PHLDB2: variants seen among roughly 807,000 people sequenced by gnomAD.
The protein encoded by PHLDB2 is pleckstrin homology like domain family B member 2, also known as pleckstrin homology-like domain family B member 2.
PHLDB2 carries 71 observed loss-of-function variants against 123.6 expected under a neutral mutation model. The observed-to-expected ratio is 0.57, with a 90% CI of 0.47 to 0.70. PHLDB2 has a LOEUF of 0.70. Among genes scored for constraint, PHLDB2 ranks in the 30% least tolerant of loss-of-function variants. The pLI, the probability that PHLDB2 is intolerant of heterozygous loss-of-function variation, is 0.00. For synonymous variants in PHLDB2, 547 were observed against 541.6 expected, an observed-to-expected ratio of 1.01 and a Z score of -0.14; for missense variants, 1,446 against 1,519.5, an observed-to-expected ratio of 0.95 and a Z score of 0.80.
chr3:111,771,239 C>T (rs1242068331), intron 1 of PHLDB2, among the ~76,000 whole-genome samples: 4 of 152,196 alleles, frequency 2.6e-5, no homozygotes, highest in African/African-American at 9.6e-5. Context: ...TTGGCTCCTT[C>T]TGAGGGCTGT....
At chr3:111,874,016 C>G (rs560340056) in intron 1 of PHLDB2, among the ~76,000 whole-genome samples, 76 of 152,246 alleles carry the variant, frequency 5.0e-4, no homozygotes, top group Non-Finnish European at 9.7e-4. Flanking sequence ...AATGATTTTT[C>G]CTATATGGAT....
chr3:111,832,682 CATAT>C (rs2063114671), intron 1 of PHLDB2, among the ~76,000 whole-genome samples: 1 of 91,638 alleles, frequency 1.1e-5, no homozygotes, highest in African/African-American at 6.5e-5. Context: ...TAGAATTATA[CATAT>C]AATATATATA....
chr3:111,888,093 G>T (rs1394003947), intron 2 of PHLDB2, among the ~76,000 whole-genome samples: 2 of 151,856 alleles, frequency 1.3e-5, no homozygotes, highest in South Asian at 2.1e-4. Flanking sequence ...AGAGAGTGAG[G>T]GCACTGACAT....
At position 111,953,984 on chromosome 3, in the gene PHLDB2, C is replaced by G. The variant is rs771899573; in HGVS notation, c.2827C>G (p.Leu943Val). 6.2e-7 allele frequency: 1 copy of G among 1,613,760 alleles called. No individual in the cohort carries two copies. The highest frequency in any genetic ancestry group is 1.1e-5 in the South Asian group (1 of 91,066). The change falls in exon 12 of 18, where the codon CTG (leucine) becomes GTG (valine). Residue 943 changes from leucine to valine, a missense_variant. Around this residue, in one of 3 missense-constraint regions of PHLDB2, gnomAD observed 594 missense variants for 646.0 expected, o/e 0.92. Coordinates refer to ENST00000431670, the MANE Select transcript of PHLDB2 (RefSeq NM_001134438.2). ...NSCGSVLPPS[L>V]AAMAKDSESR... The stretch of plus-strand genomic sequence containing the variant: ...CTGTGGAAGTGTGCTCCCTCCCTCA[C>G]TGGCAGCCATGGCCAAAGACTCAGA...
intron 2 of PHLDB2, among the ~76,000 whole-genome samples, chr3:111,889,531 G>A (rs1039496910): frequency 6.6e-6 from 1 of 151,932 alleles, no homozygotes; most frequent in Non-Finnish European, 1.5e-5. Context: ...GCAAAACCCT[G>A]TCTCTACAAA....
chr3:111,860,792 C>G (rs2064797607), intron 1 of PHLDB2, among the ~76,000 whole-genome samples: 1 of 152,172 alleles, frequency 6.6e-6, no homozygotes, highest in Non-Finnish European at 1.5e-5. Context: ...TGAAGTAGCT[C>G]TAAAGAGCTC....
At chr3:111,924,494 C>G (rs2068705273) in intron 5 of PHLDB2, among the ~76,000 whole-genome samples, 1 of 152,238 alleles carries the variant, frequency 6.6e-6, no homozygotes, top group Non-Finnish European at 1.5e-5. Context: ...CCAAAGAGTG[C>G]AGCCAAGTTT....
chr3:111,824,024 A>G (rs9814037), intron 1 of PHLDB2, among the ~76,000 whole-genome samples: 66,680 of 151,972 alleles, frequency 0.44, 15,398 homozygotes, highest in African/African-American at 0.57. Flanking sequence ...CTGACACAAA[A>G]TGTGCTTAAG....
chr3:111,832,809 A>C (rs2063135953), intron 1 of PHLDB2, among the ~76,000 whole-genome samples: 1 of 56,062 alleles, frequency 1.8e-5, no homozygotes, highest in East Asian at 5.8e-4. Context: ...TAATAGAATT[A>C]TACATATAAT....
chr3:111,904,644 G>C (rs547676933), intron 2 of PHLDB2, among the ~76,000 whole-genome samples: 1 of 152,232 alleles, frequency 6.6e-6, no homozygotes, highest in Non-Finnish European at 1.5e-5. Flanking sequence ...TGGATAATCT[G>C]ATCAAGATGG....
chr3:111,830,126 G>A (rs1234459139), intron 1 of PHLDB2, among the ~76,000 whole-genome samples: 1 of 152,118 alleles, frequency 6.6e-6, no homozygotes, highest in Admixed American at 6.5e-5. Context: ...AAAATTTGGA[G>A]CAGGCCTCCA....
chr3:111,918,495 G>T (rs2068306625), intron 3 of PHLDB2, among the ~76,000 whole-genome samples: 1 of 152,200 alleles, frequency 6.6e-6, no homozygotes, highest in Non-Finnish European at 1.5e-5. Context: ...GCTCCCCAAA[G>T]TGATGTGCCC....
intron 1 of PHLDB2, among the ~76,000 whole-genome samples, chr3:111,844,904 G>C (rs2063883900): frequency 6.6e-6 from 1 of 152,168 alleles, no homozygotes; most frequent in Non-Finnish European, 1.5e-5. Context: ...CAACAAATGG[G>C]AGGCCTTACT....
intron 1 of PHLDB2, among the ~76,000 whole-genome samples, chr3:111,751,107 C>T (rs187690191): frequency 5.0e-4 from 75 of 150,620 alleles, no homozygotes; most frequent in African/African-American, 1.8e-3. Context: ...GTGATCTCAG[C>T]AAATAAAACA....
intron 1 of PHLDB2, among the ~76,000 whole-genome samples, chr3:111,786,560 A>G (rs2060688122): frequency 1.3e-5 from 2 of 152,166 alleles, no homozygotes; most frequent in African/African-American, 2.4e-5. Flanking sequence ...CCTAGTAAAT[A>G]ACTATTGTTA....
intron 6 of PHLDB2, among the ~76,000 whole-genome samples, chr3:111,937,012 C>T (rs1195440274): frequency 6.6e-6 from 1 of 152,164 alleles, no homozygotes; most frequent in Non-Finnish European, 1.5e-5. Context: ...GTCTGATTAA[C>T]TTGAAATGTC....
intron 1 of PHLDB2, among the ~76,000 whole-genome samples, chr3:111,750,664 G>T (rs894384689): frequency 3.3e-5 from 5 of 152,030 alleles, no homozygotes; most frequent in African/African-American, 1.2e-4. Flanking sequence ...ATTCCCCGGG[G>T]GCCGGATGCG....
chr3:111,888,364 A>AT (rs36020538), intron 2 of PHLDB2, among the ~76,000 whole-genome samples: 8,779 of 151,770 alleles, frequency 0.058, 331 homozygotes, highest in Non-Finnish European at 0.078. Flanking sequence ...TGGAAATTAT[A>AT]TTTTTTTTCT....
intron 15 of PHLDB2, among the ~76,000 whole-genome samples, chr3:111,969,022 C>T (rs2071994726): frequency 6.6e-6 from 1 of 152,160 alleles, no homozygotes; most frequent in Admixed American, 6.5e-5. Flanking sequence ...ATTGGACGGG[C>T]TTTCATACCA....
Sources: allele counts gnomAD v4.1 joint callset (sites outside exome capture counted in the v4.1 genomes callset), GRCh38; gene constraint gnomAD v4.1.1; regional missense constraint gnomAD v4.1.1; transcripts MANE v1.5; gene names NCBI Gene and HGNC (gene_info 2026-07-23, HGNC 2026-07-21).